Variants in SUGCT observed in about 807,000 individuals in gnomAD.
The protein encoded by SUGCT is succinyl-CoA:glutarate-CoA transferase.
SUGCT carries 41 observed loss-of-function variants against 55.0 expected under a neutral mutation model. The ratio of observed to expected loss-of-function variants is 0.74; its 90% confidence interval spans 0.58 to 0.97. SUGCT has a LOEUF of 0.97. Among genes scored for constraint, SUGCT ranks in the 50% least tolerant of loss-of-function variants. The probability of loss-of-function intolerance (pLI) is 0.00; values close to 1 mark genes in which losing one functional copy is unlikely to be tolerated. For synonymous variants in SUGCT, 187 were observed against 200.4 expected (o/e 0.93, Z 0.56); for missense variants, 568 against 547.8 (o/e 1.04, Z -0.37).
chr7:40,861,448 A>G (rs1029623), downstream of SUGCT, among the ~76,000 whole-genome samples: 50,869 of 152,032 alleles, frequency 0.33, 9,568 homozygotes, highest in East Asian at 0.82. Context: ...AATGATTAGG[A>G]CGTATGTTCC....
At chr7:40,409,326 C>T (rs995502963) in intron 9 of SUGCT, among the ~76,000 whole-genome samples, 4 of 150,784 alleles carry the variant, frequency 2.7e-5, no homozygotes, top group Non-Finnish European at 4.4e-5. Context: ...TGCAATGGTG[C>T]GATCATGGCT....
intron 13 of SUGCT, among the ~76,000 whole-genome samples, chr7:40,762,028 G>A (rs77229410): frequency 0.015 from 2,342 of 152,218 alleles, 150 homozygotes; most frequent in Admixed American, 0.092. Flanking sequence ...AGTGGGGGGC[G>A]GTGATTTCAC....
At chr7:40,917,953 G>T in the SUGCT span, among the ~76,000 whole-genome samples, 6 of 152,060 alleles carry the variant, frequency 3.9e-5, no homozygotes, top group African/African-American at 1.4e-4. Flanking sequence ...ATTTTGGCTG[G>T]ATACAATCAT....
intron 9 of SUGCT, among the ~76,000 whole-genome samples, chr7:40,358,064 G>A (rs1797964535): frequency 6.6e-6 from 1 of 152,174 alleles, no homozygotes; most frequent in Non-Finnish European, 1.5e-5. Context: ...CCAATAAGTA[G>A]TTTTGAATAA....
At chr7:40,634,218 A>G (rs1344511553) in intron 12 of SUGCT, among the ~76,000 whole-genome samples, 1 of 152,232 alleles carries the variant, frequency 6.6e-6, no homozygotes, top group African/African-American at 2.4e-5. Context: ...AAACACAGTG[A>G]AAAAACACAT....
chr7:41,009,226 A>G, the SUGCT span, among the ~76,000 whole-genome samples: 14 of 151,244 alleles, frequency 9.3e-5, no homozygotes, highest in Non-Finnish European at 2.1e-4. Context: ...AAAAAAAAAA[A>G]GCAACTTATA....
chr7:40,465,300 T>A (rs1227425759), intron 11 of SUGCT, among the ~76,000 whole-genome samples: 1 of 152,160 alleles, frequency 6.6e-6, no homozygotes, highest in Non-Finnish European at 1.5e-5. Flanking sequence ...TTGAAATGAA[T>A]CAAGCATTTA....
At chr7:40,957,280 G>A in the SUGCT span, among the ~76,000 whole-genome samples, 2 of 152,174 alleles carry the variant, frequency 1.3e-5, no homozygotes, top group East Asian at 3.9e-4. Context: ...CTAAGAACTT[G>A]CTTTATGAAT....
intron 9 of SUGCT, among the ~76,000 whole-genome samples, chr7:40,395,262 G>A (rs1452544896): frequency 2.0e-5 from 3 of 152,016 alleles, no homozygotes; most frequent in Non-Finnish European, 2.9e-5. Flanking sequence ...GCTGAGGCAG[G>A]CGGATTGCCT....
chr7:40,376,916 AC>A (rs1270250869), intron 9 of SUGCT, among the ~76,000 whole-genome samples: 2 of 151,620 alleles, frequency 1.3e-5, no homozygotes, highest in Non-Finnish European at 2.9e-5. Flanking sequence ...GGGTATTTTC[AC>A]TGCATGTAGA....
chr7:40,476,624 C>T (rs1790696547), intron 11 of SUGCT, among the ~76,000 whole-genome samples: 1 of 151,816 alleles, frequency 6.6e-6, no homozygotes. Context: ...TCATATACTA[C>T]CCTGTTGTAT....
At chr7:40,436,488 A>G (rs1788185573) in intron 9 of SUGCT, among the ~76,000 whole-genome samples, 2 of 152,124 alleles carry the variant, frequency 1.3e-5, no homozygotes, top group Non-Finnish European at 2.9e-5. Context: ...AATTTAGAAT[A>G]TTTTTATTGT....
At chr7:40,466,996 G>A (rs1790146802) in intron 11 of SUGCT, among the ~76,000 whole-genome samples, 1 of 152,184 alleles carries the variant, frequency 6.6e-6, no homozygotes, top group African/African-American at 2.4e-5. Context: ...GAGGTCAGGA[G>A]ATCGAGACCA....
At chr7:40,422,044 G>A (rs865808361) in intron 9 of SUGCT, among the ~76,000 whole-genome samples, 11 of 150,128 alleles carry the variant, frequency 7.3e-5, no homozygotes, top group African/African-American at 2.7e-4. Context: ...CTCAGATCAA[G>A]TCCAGGCCTA....
chr7:40,453,330 A>G (rs1789295187), intron 10 of SUGCT, among the ~76,000 whole-genome samples: 1 of 152,188 alleles, frequency 6.6e-6, no homozygotes, highest in Non-Finnish European at 1.5e-5. Context: ...CCCTGGAACC[A>G]TGCTGGGGAG....
chr7:40,245,404 C>CATATATATAT lies in SUGCT; in HGVS notation c.576+7689_576+7698dup, dbSNP rs202125224. Among the ~76,000 whole-genome samples the CATATATATAT allele has an allele frequency of 5.3e-3, 280 of 53,230 alleles. 5 individuals carry two copies. The highest frequency in any genetic ancestry group is 0.017 in the African/African-American group (187 of 10,776). 34.9% of individuals were successfully genotyped at this position (53,230 alleles called of 152,430 possible). ...TAAATTTTTATAGGTACGTAGTAGA[C>CATATATATAT]ATATATATATATATATATATTTTTT... On this transcript the variant is annotated intron_variant, in intron 7 of 13. Transcript: ENST00000335693.
At chr7:40,663,759 C>T (rs1410457522) in intron 12 of SUGCT, among the ~76,000 whole-genome samples, 1 of 152,066 alleles carries the variant, frequency 6.6e-6, no homozygotes, top group Non-Finnish European at 1.5e-5. Context: ...TCTGGTAGAA[C>T]CTTGTTCTTC....
In SUGCT at chr7:40,242,340, A is replaced by AT. The variant is rs535037507; in HGVS notation, c.576+4622dup. On this transcript the variant is annotated intron_variant, in intron 7 of 13. Transcript: ENST00000335693. ...AGGCATGTGCCACCATGCCTGGCTA[A>AT]TTTTTTTTGTATTTTTAGTAGAGAC... 2.5e-3 allele frequency among the ~76,000 whole-genome samples: 380 copies of AT among 151,254 alleles called. 2 individuals carry two copies. Among genetic ancestry groups the AT allele is most frequent in the African/African-American group, 8.2e-3 (340 of 41,236 alleles).
chr7:40,820,144 C>G (rs930768686), intron 13 of SUGCT, among the ~76,000 whole-genome samples: 2 of 152,152 alleles, frequency 1.3e-5, no homozygotes, highest in Admixed American at 1.3e-4. Context: ...GGTACCAGTA[C>G]CATGCTGTTT....
Sources: gnomAD v4.1 joint callset for allele counts (sites outside exome capture counted in the v4.1 genomes callset) on GRCh38, gnomAD v4.1.1 for gene constraint, MANE v1.5 for transcripts, NCBI Gene and HGNC (gene_info 2026-07-23, HGNC 2026-07-21) for gene names.